CLYBL: variants seen among roughly 807,000 people sequenced by gnomAD.
CLYBL encodes the protein citramalyl-CoA lyase, mitochondrial.
CLYBL carries 31 observed loss-of-function variants against 38.9 expected under a neutral mutation model. That is an observed-to-expected ratio of 0.80 (90% CI 0.60 to 1.08). CLYBL has a LOEUF of 1.08. Among genes scored for constraint, CLYBL ranks in the 50% least tolerant of loss-of-function variants. The pLI is 0.00. For synonymous variants in CLYBL, 171 were observed against 158.6 expected, an observed-to-expected ratio of 1.08 and a Z score of -0.59; for missense variants, 434 against 411.6, an observed-to-expected ratio of 1.05 and a Z score of -0.47.
chr13:99,768,509 TTTTTTTTTTTTTTTTTTTTA>T (rs1223168180), intron 1 of CLYBL, among the ~76,000 whole-genome samples: 8 of 30,654 alleles, frequency 2.6e-4, no homozygotes, highest in Non-Finnish European at 4.7e-4. Flanking sequence ...TTTTTTTTTT[TTTTTTTTTTTTTTTTTTTTA>T]AAGACAGAAT....
At chr13:99,855,328 C>T (rs1249778775) in intron 2 of CLYBL, among the ~76,000 whole-genome samples, 2 of 152,118 alleles carry the variant, frequency 1.3e-5, no homozygotes, top group African/African-American at 2.4e-5. Context: ...CCGCTTTTAC[C>T]TTAATTTCCT....
At position 99,907,312 on chromosome 13, in the gene CLYBL, G is replaced by C. The variant is rs575555825; in HGVS notation, c.*161-743G>C. 1.3e-3 allele frequency among the ~76,000 whole-genome samples: 191 copies of C among 152,162 alleles called. 1 individual carries two copies. The highest frequency in any genetic ancestry group is 3.4e-3 in the Middle Eastern group (1 of 294). On this transcript the variant is annotated intron_variant and NMD_transcript_variant, in intron 9 of 9. Transcript: ENST00000689673. Reference sequence around the variant, plus strand: ...GTAATAATACTACCTACCTCCTAAGGTTTCTTTTGAGCCTGAAATGAGTTA... The same window carrying C: ...GTAATAATACTACCTACCTCCTAAGCTTTCTTTTGAGCCTGAAATGAGTTA...
intron 2 of CLYBL, among the ~76,000 whole-genome samples, chr13:99,793,313 G>C (rs945317667): frequency 6.6e-6 from 1 of 152,194 alleles, no homozygotes; most frequent in East Asian, 1.9e-4. Context: ...GGATGGGAAG[G>C]CTCCTCTCCC....
At chr13:99,866,512 T>G in intron 6 of CLYBL, 105 bp downstream of exon 6, 1 of 885,542 alleles carries the variant, frequency 1.1e-6, no homozygotes. Flanking sequence ...TCTCCCATAC[T>G]TACTCCACTA....
intron 1 of CLYBL, among the ~76,000 whole-genome samples, chr13:99,725,008 A>G (rs774369137): frequency 5.9e-5 from 9 of 152,190 alleles, no homozygotes; most frequent in East Asian, 1.9e-4. Flanking sequence ...ATTTCAGTCA[A>G]TTTGTGATAC....
chr13:99,871,609 G>A (rs963476807), intron 7 of CLYBL, among the ~76,000 whole-genome samples: 2 of 152,120 alleles, frequency 1.3e-5, no homozygotes, highest in Non-Finnish European at 2.9e-5. Context: ...GAGTACGGTT[G>A]TTCCTAATTT....
At chr13:99,861,106 C>T (rs1348255142) in intron 3 of CLYBL, among the ~76,000 whole-genome samples, 1 of 152,174 alleles carries the variant, frequency 6.6e-6, no homozygotes, top group Non-Finnish European at 1.5e-5. Context: ...GTCCCCTCCA[C>T]CTCGCTGAAA....
At chr13:99,778,807 G>A (rs1433886061) in intron 2 of CLYBL, among the ~76,000 whole-genome samples, 3 of 152,082 alleles carry the variant, frequency 2.0e-5, no homozygotes, top group Non-Finnish European at 4.4e-5. Flanking sequence ...ATGACACTGG[G>A]TGAGGCCAAG....
At chr13:99,687,666 A>G (rs2047837990) in intron 1 of CLYBL, among the ~76,000 whole-genome samples, 1 of 152,250 alleles carries the variant, frequency 6.6e-6, no homozygotes, top group Admixed American at 6.5e-5. Flanking sequence ...CATTGCCTTA[A>G]CTGAGAAATG....
chr13:99,838,365 A>G (rs2050988921), intron 2 of CLYBL, among the ~76,000 whole-genome samples: 1 of 152,182 alleles, frequency 6.6e-6, no homozygotes, highest in African/African-American at 2.4e-5. Flanking sequence ...GAGATAACTG[A>G]TCAGAGGAGG....
intron 1 of CLYBL, among the ~76,000 whole-genome samples, chr13:99,744,803 G>A (rs981756611): frequency 2.6e-5 from 4 of 152,222 alleles, no homozygotes; most frequent in Non-Finnish European, 4.4e-5. Flanking sequence ...AGTGTGCTGA[G>A]CAGGCAGAAG....
chr13:99,858,216 G>T (rs1030005139), intron 2 of CLYBL, among the ~76,000 whole-genome samples: 3 of 152,060 alleles, frequency 2.0e-5, no homozygotes, highest in African/African-American at 7.2e-5. Context: ...GAAAAAAAAA[G>T]TATTTGTCAA....
In CLYBL at chr13:99,870,999, T is replaced by C. The variant is rs765137102; in HGVS notation, c.864T>C (p.Pro288=). The C allele has an allele frequency of 6.2e-7, 1 of 1,613,614 alleles. No homozygotes were observed. The highest frequency in any genetic ancestry group is 1.1e-5 in the South Asian group (1 of 91,022). ...TCCAGGAGCAGTTTTCTCCTTCCCC[T>C]GAAAAAATTAAGTGGGCTGAAGAAC... is the stretch of plus-strand genomic sequence containing the variant. The part of the protein sequence containing the change: ...AVVQEQFSPS[P]EKIKWAEELI... Residue 288 remains proline (P), a synonymous_variant, in exon 7 of 9, where the codon CCT becomes CCC. Transcript: ENST00000339105.
intron 1 of CLYBL, among the ~76,000 whole-genome samples, chr13:99,767,579 A>AGTGT (rs150562641): frequency 6.6e-6 from 1 of 151,864 alleles, no homozygotes; most frequent in Non-Finnish European, 1.5e-5. Context: ...GAATTCCCAC[A>AGTGT]GTGTGTGTGT....
At chr13:99,905,987 T>G (rs1274360975) in intron 9 of CLYBL, among the ~76,000 whole-genome samples, 1 of 152,168 alleles carries the variant, frequency 6.6e-6, no homozygotes, top group Non-Finnish European at 1.5e-5. Context: ...TTGCCCAGTC[T>G]GTTCTTGAAC....
intron 7 of CLYBL, among the ~76,000 whole-genome samples, chr13:99,880,780 G>GT (rs1296205541): frequency 6.6e-6 from 1 of 152,194 alleles, no homozygotes; most frequent in Non-Finnish European, 1.5e-5. Flanking sequence ...CCTCCCTTCC[G>GT]TGCCCCTCAT....
At chr13:99,862,516 G>T (rs372293717) in intron 3 of CLYBL, among the ~76,000 whole-genome samples, 1 of 152,134 alleles carries the variant, frequency 6.6e-6, no homozygotes, top group Non-Finnish European at 1.5e-5. Flanking sequence ...CTGAACAAAG[G>T]GTAATGGTGC....
intron 7 of CLYBL, among the ~76,000 whole-genome samples, chr13:99,882,040 T>C (rs563856053): frequency 1.3e-5 from 2 of 152,336 alleles, no homozygotes; most frequent in Admixed American, 1.3e-4. Context: ...TTTAGCCTCA[T>C]CTTATGTAAT....
intron 2 of CLYBL, among the ~76,000 whole-genome samples, chr13:99,815,611 C>T (rs4771345): frequency 0.026 from 3,931 of 152,206 alleles, 99 homozygotes; most frequent in East Asian, 0.083. Context: ...ATTGGCCAGG[C>T]ACGGTGGCTC....
Sources: allele counts gnomAD v4.1 joint callset (sites outside exome capture counted in the v4.1 genomes callset), GRCh38; gene constraint gnomAD v4.1.1; transcripts MANE v1.5; gene names NCBI Gene and HGNC (gene_info 2026-07-23, HGNC 2026-07-21).